RAD23B: variants seen among roughly 807,000 people sequenced by gnomAD.
RAD23B encodes the protein RAD23 nucleotide excision repair protein B.
RAD23B carries 5 observed loss-of-function variants against 49.1 expected under a neutral mutation model. The observed-to-expected ratio is 0.10, with a 90% CI of 0.05 to 0.21. The LOEUF (loss-of-function observed/expected upper bound fraction) is 0.21, where lower values mean the gene tolerates loss of function less well. Ranked by LOEUF, RAD23B falls within the 10% of genes least tolerant of loss-of-function variation. The pLI, the probability that RAD23B is intolerant of heterozygous loss-of-function variation, is 1.00. For synonymous variants in RAD23B, 184 were observed against 165.4 expected, an observed-to-expected ratio of 1.11 and a Z score of -0.86; for missense variants, 356 against 486.7, an observed-to-expected ratio of 0.73 and a Z score of 2.53.
chr9:107,321,793 GCACCCAGGT>G (rs1191006944), intron 6 of RAD23B, among the ~76,000 whole-genome samples, 181 bp from the exon 7 acceptor site: 1 of 152,118 alleles, frequency 6.6e-6, no homozygotes, highest in Non-Finnish European at 1.5e-5. Context: ...TTTCTATAAT[GCACCCAGGT>G]CATTTCTAAT....
At position 107,331,816 on chromosome 9, in the gene RAD23B, C is replaced by CTGCTTCTTAAA; in HGVS notation, c.*2160_*2161insTGCTTCTTAAA. 1.4e-6 allele frequency: 1 copy of CTGCTTCTTAAA among 738,328 alleles called. No individual in the cohort carries two copies. The highest frequency in any genetic ancestry group is 2.0e-5 in the Admixed American group (1 of 50,068). 45.7% of individuals were successfully genotyped at this position (738,328 alleles called of 1,614,324 possible). A position where few individuals can be genotyped will look rare whatever the true frequency, so the allele number is the denominator to read the frequency against. On this transcript the variant is annotated 3_prime_UTR_variant, in exon 10 of 10. Transcript: ENST00000358015. ...AAGACAGCTCAGGCCAAGTTTTGAT[C>CTGCTTCTTAAA]GTTCCATACAGTACCTTGTTTATCT...
At chr9:107,307,366 C>T (rs1024031786) in intron 4 of RAD23B, among the ~76,000 whole-genome samples, 8 of 152,200 alleles carry the variant, frequency 5.3e-5, no homozygotes, top group Non-Finnish European at 1.0e-4. Flanking sequence ...TTGTTTTTCT[C>T]CCCAGACGAT....
At chr9:107,320,815 G>A (rs931198253) in intron 6 of RAD23B, among the ~76,000 whole-genome samples, 3 of 152,150 alleles carry the variant, frequency 2.0e-5, no homozygotes, top group African/African-American at 7.2e-5. Context: ...AAGGGTTTGC[G>A]TTGGTTAACT....
intron 4 of RAD23B, among the ~76,000 whole-genome samples, chr9:107,309,949 A>C (rs922524607): frequency 4.7e-5 from 7 of 150,226 alleles, no homozygotes; most frequent in African/African-American, 1.5e-4. Context: ...AAAAAAAAAA[A>C]ACCAATGTGT....
chr9:107,298,106 T>G (rs990827136), intron 1 of RAD23B, among the ~76,000 whole-genome samples: 1 of 152,158 alleles, frequency 6.6e-6, no homozygotes, highest in African/African-American at 2.4e-5. Context: ...ATTGTATCCT[T>G]TTGTCCCTCT....
intron 4 of RAD23B, among the ~76,000 whole-genome samples, chr9:107,309,013 T>C (rs1207322824): frequency 6.6e-6 from 1 of 152,246 alleles, no homozygotes; most frequent in African/African-American, 2.4e-5. Context: ...CCACTTGATA[T>C]CTACCTGAGA....
At chr9:107,291,330 T>C (rs558033732) in intron 1 of RAD23B, among the ~76,000 whole-genome samples, 8 of 152,330 alleles carry the variant, frequency 5.3e-5, no homozygotes, top group Non-Finnish European at 1.2e-4. Flanking sequence ...GAAATCATAC[T>C]GTTAGGAATA....
intron 4 of RAD23B, among the ~76,000 whole-genome samples, chr9:107,309,240 A>G (rs751853824): frequency 3.9e-5 from 6 of 152,210 alleles, no homozygotes; most frequent in Non-Finnish European, 8.8e-5. Context: ...CCAGAAATCA[A>G]CAAGCCCTCC....
At chr9:107,298,954 C>T (rs1187666751) in intron 1 of RAD23B, among the ~76,000 whole-genome samples, 1 of 152,040 alleles carries the variant, frequency 6.6e-6, no homozygotes, top group Non-Finnish European at 1.5e-5. Flanking sequence ...AGCAGTGATG[C>T]TACTGACCCA....
intron 3 of RAD23B, 50 bp from the exon 4 acceptor site, chr9:107,306,329 G>C: frequency 1.9e-6 from 3 of 1,553,424 alleles, no homozygotes. Flanking sequence ...TTAGAGATCA[G>C]GCAGTATGTA....
At chr9:107,316,145 G>T (rs1826990027) in intron 5 of RAD23B, among the ~76,000 whole-genome samples, 1 of 151,978 alleles carries the variant, frequency 6.6e-6, no homozygotes, top group East Asian at 1.9e-4. Flanking sequence ...GAGTAGGTGG[G>T]ACTACAGGCA....
In RAD23B at chr9:107,323,873, G is replaced by A; in HGVS notation, c.818-17G>A. 1 of 1,592,622 alleles carries A rather than the reference G, an allele frequency of 6.3e-7. No homozygotes were observed. The highest frequency in any genetic ancestry group is 8.6e-7 in the Non-Finnish European group (1 of 1,161,092). On this transcript the variant is annotated splice_polypyrimidine_tract_variant and intron_variant, in intron 7 of 9. Transcript: ENST00000358015. The stretch of plus-strand genomic sequence containing the variant: ...GTATTTACTGCTTTTGTTTAGAAAT[G>A]TTTATGTGTATTTTAGGACATCCCC...
intron 1 of RAD23B, among the ~76,000 whole-genome samples, chr9:107,291,931 A>C (rs1833390827): frequency 6.6e-6 from 1 of 152,170 alleles, no homozygotes; most frequent in Non-Finnish European, 1.5e-5. Context: ...TTTCTCTTTG[A>C]AAGTCCAGTT....
In RAD23B at chr9:107,283,281, G is replaced by C. The variant is rs1051439074; in HGVS notation, c.-349G>C. The C allele has an allele frequency of 7.5e-6, 3 of 402,638 alleles. No homozygotes were observed. Among genetic ancestry groups the C allele is most frequent in the African/African-American group, 6.2e-5 (3 of 48,628 alleles). 24.9% of individuals were successfully genotyped at this position (402,638 alleles called of 1,614,324 possible). A position where few individuals can be genotyped will look rare whatever the true frequency, so the allele number is the denominator to read the frequency against. ...TGGGGGAGGGGGCACGTCTCGGCGA[G>C]TCACGATGATGGCGGCCACCATCCT... On this transcript the variant is annotated 5_prime_UTR_variant, in exon 1 of 10. Coordinates refer to ENST00000358015, the MANE Select transcript of RAD23B (RefSeq NM_002874.5).
chr9:107,283,522 C>T lies in RAD23B; in HGVS notation c.-108C>T, dbSNP rs2133057252. The T allele has an allele frequency of 1.2e-5, 9 of 781,544 alleles. 1 individual carries two copies. In the South Asian group the frequency reaches 2.5e-4, roughly 22 times the overall value. The allele number at this position is 781,544 out of a possible 1,614,324, so 48.4% of individuals were successfully genotyped here. ...AGCCCCCACCCCCACCGCCTTCCTCCCCAGAGCGCGAGGAGCGCGGGCGAC... is the reference window on the plus strand; with the variant it reads ...AGCCCCCACCCCCACCGCCTTCCTCTCCAGAGCGCGAGGAGCGCGGGCGAC... On this transcript the variant is annotated 5_prime_UTR_variant, in exon 1 of 10. Coordinates refer to ENST00000358015, the MANE Select transcript of RAD23B (RefSeq NM_002874.5).
rs1472907668 is a variant in RAD23B at position 107,311,709 on chromosome 9, C to T, written c.525C>T (p.Asn175=). Residue 175 remains asparagine, a synonymous_variant, in exon 5 of 10, where the codon AAC becomes AAT. Coordinates refer to ENST00000358015, the MANE Select transcript of RAD23B (RefSeq NM_002874.5). Reference sequence around the variant, plus strand: ...CATCGGGTGATTCTTCTCGGTCAAACCTTTTTGAAGATGCAACGAGTGCAC... The same window carrying T: ...CATCGGGTGATTCTTCTCGGTCAAATCTTTTTGAAGATGCAACGAGTGCAC... ...DSTSGDSSRS[N]LFEDATSALV... is the part of the protein sequence containing the mutation. 11 of 1,569,052 alleles carry T rather than the reference C, an allele frequency of 7.0e-6. No individual in the cohort carries two copies. In the Admixed American group the frequency reaches 1.9e-4, roughly 27 times the overall value.
intron 1 of RAD23B, among the ~76,000 whole-genome samples, chr9:107,292,625 A>G (rs1833404630): frequency 6.9e-6 from 1 of 143,934 alleles, no homozygotes; most frequent in African/African-American, 2.6e-5. Context: ...GGTTGCAGTG[A>G]GCCAAGATCG....
intron 5 of RAD23B, among the ~76,000 whole-genome samples, chr9:107,317,268 T>A (rs1827016981): frequency 6.6e-6 from 1 of 151,904 alleles, no homozygotes; most frequent in East Asian, 1.9e-4. Context: ...GGGGTGTAAT[T>A]TAGAGATAGG....
chr9:107,296,303 C>T (rs1245093945), intron 1 of RAD23B, among the ~76,000 whole-genome samples: 1 of 152,162 alleles, frequency 6.6e-6, no homozygotes, highest in African/African-American at 2.4e-5. Flanking sequence ...GCATGTTGCC[C>T]TCAAAAATTT....
Sources: gnomAD v4.1 joint callset for allele counts (sites outside exome capture counted in the v4.1 genomes callset) on GRCh38, gnomAD v4.1.1 for gene constraint, MANE v1.5 for transcripts, NCBI Gene and HGNC (gene_info 2026-07-23, HGNC 2026-07-21) for gene names.